KRT19: variants seen among roughly 807,000 people sequenced by gnomAD.
The protein encoded by KRT19 is keratin, type I cytoskeletal 19.
Under a neutral mutation model 34.6 loss-of-function variants are expected in KRT19, and 21 were observed. That is an observed-to-expected ratio of 0.61 (90% CI 0.43 to 0.87). KRT19 has a LOEUF of 0.87. Ranked by LOEUF, KRT19 falls within the 40% of genes least tolerant of loss-of-function variation. KRT19 has a pLI of 0.00. For missense variants in KRT19, 514 were observed against 545.7 expected (o/e 0.94, Z 0.58); for synonymous variants, 240 against 245.8 (o/e 0.98, Z 0.22).
chr17:41,526,536 C>G (rs1417038486), intron 1 of KRT19, among the ~76,000 whole-genome samples: 1 of 146,452 alleles, frequency 6.8e-6, no homozygotes, highest in African/African-American at 2.5e-5. Context: ...CGCTGCAAGG[C>G]ACACGCCACC....
At chr17:41,527,680 C>T (rs1418847885) in intron 1 of KRT19, 148 bp downstream of exon 1, 1 of 833,574 alleles carries the variant, frequency 1.2e-6, no homozygotes, top group Non-Finnish European at 1.8e-6. Context: ...CGCACGTCTC[C>T]TGTCCCCCTT....
chr17:41,523,714 G>C lies in KRT19; in HGVS notation c.*29C>G, dbSNP rs1209410492. 2 of 1,610,556 alleles carry C rather than the reference G, an allele frequency of 1.2e-6. No individual in the cohort carries two copies. The highest frequency in any genetic ancestry group is 3.3e-5 in the Admixed American group (2 of 59,980). ...CTCTACCCAGAAGACACCCTCCAAA[G>C]GACAGCAGAAGCCCCAGAGCCTGCT... is the stretch of plus-strand genomic sequence containing the variant. On this transcript the variant is annotated 3_prime_UTR_variant, in exon 6 of 6. Transcript: ENST00000361566.
chr17:41,527,175 A>G (rs1905896367), intron 1 of KRT19, among the ~76,000 whole-genome samples: 1 of 53,808 alleles, frequency 1.9e-5, no homozygotes, highest in Non-Finnish European at 4.6e-5. Flanking sequence ...TCTTTCCCCG[A>G]CAAGGAGCTG....
intron 5 of KRT19, 21 bp from the exon 6 acceptor site, chr17:41,524,018 T>G (rs751933819): frequency 1.9e-6 from 3 of 1,605,510 alleles, no homozygotes; most frequent in African/African-American, 1.3e-5. Context: ...GGAGAGGGGG[T>G]TGTGACTCAG....
Position 41,527,871 on chromosome 17 carries a change from T to C in KRT19, c.377A>G (p.Asp126Gly), listed in dbSNP as rs900515421. Reference sequence around the variant, plus strand: ...GATGGTCGTGTAGTAGTGGCTGTAGTCGCGGGAGGGCCCAGGCCCCTGCTT... The same window carrying C: ...GATGGTCGTGTAGTAGTGGCTGTAGCCGCGGGAGGGCCCAGGCCCCTGCTT... Reference protein sequence around the residue: ...YQKQGPGPSRDYSHYYTTIQD... With the variant: ...YQKQGPGPSRGYSHYYTTIQD... The change falls in exon 1 of 6, where the codon GAC (aspartate) becomes GGC (glycine). Residue 126 changes from aspartate to glycine, a missense_variant. Coordinates refer to ENST00000361566, the MANE Select transcript of KRT19 (RefSeq NM_002276.5). 5.6e-6 allele frequency: 9 copies of C among 1,612,694 alleles called. No individual in the cohort carries two copies. In the Admixed American group the frequency reaches 1.5e-4, roughly 27 times the overall value.
Position 41,527,892 on chromosome 17 carries a change from T to C in KRT19, c.356A>G (p.Gln119Arg). 1 of 1,613,570 alleles carries C rather than the reference T, an allele frequency of 6.2e-7. No homozygotes were observed. The highest frequency in any genetic ancestry group is 8.5e-7 in the Non-Finnish European group (1 of 1,179,818). Reference sequence around the variant, plus strand: ...GTAGTCGCGGGAGGGCCCAGGCCCCTGCTTCTGGTACCAGTCGCGGATCTT... The same window carrying C: ...GTAGTCGCGGGAGGGCCCAGGCCCCCGCTTCTGGTACCAGTCGCGGATCTT... ...EVKIRDWYQK[Q>R]GPGPSRDYSH... The change falls in exon 1 of 6, where the codon CAG (glutamine) becomes CGG (arginine). Residue 119 changes from glutamine (Q) to arginine (R), a missense_variant. Physicochemically the swap from Gln to Arg is conservative, Grantham distance 43 (BLOSUM62 1). Transcript: ENST00000361566.
At chr17:41,525,919 G>A (rs1052639883) in intron 1 of KRT19, among the ~76,000 whole-genome samples, 6 of 152,160 alleles carry the variant, frequency 3.9e-5, no homozygotes, top group African/African-American at 1.4e-4. Flanking sequence ...CATTAGTCAA[G>A]GCACCAGGTG....
Position 41,524,193 on chromosome 17 carries a change from G to C in KRT19, c.898C>G (p.Arg300Gly). ...ATCTCAAGACCCTGAAGGGTGCGCC[G>C]CAGGTCAGTAACCTCGGACCTGCTC... Reference protein sequence around the residue: ...QMSRSEVTDLRRTLQGLEIEL... With the variant: ...QMSRSEVTDLGRTLQGLEIEL... The change falls in exon 5 of 6, where the codon CGG (arginine) becomes GGG (glycine). Residue 300 changes from arginine (R) to glycine (G), a missense_variant. Physicochemically the swap from Arg to Gly is moderately radical, Grantham distance 125 (BLOSUM62 -2). Transcript: ENST00000361566. 2 of 1,614,086 alleles carry C rather than the reference G, an allele frequency of 1.2e-6. No homozygotes were observed. The highest frequency in any genetic ancestry group is 1.1e-5 in the South Asian group (1 of 91,076).
intron 2 of KRT19, 70 bp from the exon 3 acceptor site, chr17:41,525,069 G>C: frequency 6.3e-7 from 1 of 1,591,260 alleles, no homozygotes; most frequent in South Asian, 1.1e-5. Context: ...TACCTCCCCA[G>C]AGTTCAGGAG....
At position 41,523,669 on chromosome 17, in the gene KRT19, G is replaced by A; in HGVS notation, c.*74C>T. The A allele has an allele frequency of 6.8e-7, 1 of 1,463,026 alleles. No individual in the cohort carries two copies. Among genetic ancestry groups the A allele is most frequent in the Non-Finnish European group, 9.4e-7 (1 of 1,061,438 alleles). 90.6% of individuals were successfully genotyped at this position (1,463,026 alleles called of 1,614,324 possible). On this transcript the variant is annotated 3_prime_UTR_variant, in exon 6 of 6. Transcript: ENST00000361566. The stretch of plus-strand genomic sequence containing the variant: ...AGGTCAGGAGAAGAGCCGGGGGTAA[G>A]GGTCCCTTCCTTCCCATCCCTCTAC...
intron 1 of KRT19, among the ~76,000 whole-genome samples, chr17:41,526,025 G>T (rs1326672726): frequency 6.6e-6 from 1 of 152,146 alleles, no homozygotes; most frequent in Non-Finnish European, 1.5e-5. Context: ...AGGCTGGAGT[G>T]CAGCGTCGCG....
chr17:41,524,950 C>T lies in KRT19; in HGVS notation c.553G>A (p.Gly185Ser), dbSNP rs1384532793. 20 of 1,614,086 alleles carry T rather than the reference C, an allele frequency of 1.2e-5. No homozygotes were observed. Among genetic ancestry groups the T allele is most frequent in the African/African-American group, 6.7e-5 (5 of 74,932 alleles). Reference protein sequence around the residue: ...LRMSVEADINGLRRVLDELTL... With the variant: ...LRMSVEADINSLRRVLDELTL... ...AGCTCATCCAGCACCCTGCGCAGGC[C>T]GTTGATGTCGGCCTCCACGCTCATG... The change falls in exon 3 of 6, where the codon GGC (glycine) becomes AGC (serine). Residue 185 changes from glycine to serine, a missense_variant. Physicochemically the swap from Gly to Ser is moderately conservative, Grantham distance 56 (BLOSUM62 0). Transcript: ENST00000361566.
chr17:41,524,677 T>TG, intron 3 of KRT19, 137 bp from the exon 4 acceptor site: 1 of 1,233,492 alleles, frequency 8.1e-7, no homozygotes. Flanking sequence ...GGGGACAGAC[T>TG]GGGTCATCAC....
In KRT19 at chr17:41,523,976, G is replaced by A; in HGVS notation, c.970C>T (p.Leu324=). Residue 324 remains leucine (L), a synonymous_variant, in exon 6 of 6, where the codon CTG becomes TTG. Coordinates refer to ENST00000361566, the MANE Select transcript of KRT19 (RefSeq NM_002276.5). ...LSMKAALEDT[L]AETEARFGAQ... is the part of the protein sequence containing the mutation. ...CCAAAGCGCGCCTCCGTTTCTGCCA[G>A]TGTGTCTTCCAAGGCAGCTTTCTGA... 6.2e-7 allele frequency: 1 copy of A among 1,611,950 alleles called. No homozygotes were observed. Among genetic ancestry groups the A allele is most frequent in the Non-Finnish European group, 8.5e-7 (1 of 1,178,320 alleles).
chr17:41,524,983 C>A lies in KRT19; in HGVS notation c.520G>T (p.Ala174Ser). ...TCGGCCTCCACGCTCATGCGCAGAG[C>A]CTGTTCCGTCTCAAACCTTTCAAAG... ...DFRTKFETEQ[A>S]LRMSVEADIN... Residue 174 changes from alanine (A) to serine (S), a missense_variant, in exon 3 of 6, where the codon GCT (alanine) becomes TCT (serine). By Grantham distance (99) the Ala-to-Ser change is moderately conservative. Transcript: ENST00000361566. The A allele has an allele frequency of 6.2e-7, 1 of 1,614,062 alleles. No homozygotes were observed.
rs1905942556 is a variant in KRT19 at position 41,528,168 on chromosome 17, G to A, written c.80C>T (p.Pro27Leu). 6.3e-7 allele frequency: 1 copy of A among 1,594,192 alleles called. No individual in the cohort carries two copies. Among genetic ancestry groups the A allele is most frequent in the Non-Finnish European group, 8.5e-7 (1 of 1,175,312 alleles). The change falls in exon 1 of 6, where the codon CCG becomes CTG. Residue 27 changes from proline to leucine, a missense_variant. Coordinates refer to ENST00000361566, the MANE Select transcript of KRT19 (RefSeq NM_002276.5). Reference protein sequence around the residue: ...GLGGGSVRFGPGVAFRAPSIH... With the variant: ...GLGGGSVRFGLGVAFRAPSIH... ...GCTGGGCGCGCGAAAGGCGACCCCC[G>A]GCCCAAAACGCACGGAGCCGCCGCC...
chr17:41,528,077 G>A lies in KRT19; in HGVS notation c.171C>T (p.Ser57=). 1 of 1,610,254 alleles carries A rather than the reference G, an allele frequency of 6.2e-7. No homozygotes were observed. The highest frequency in any genetic ancestry group is 8.5e-7 in the Non-Finnish European group (1 of 1,178,118). ...CGTAGCCGCCGCCGTAGGCCCCCGAGGAGGACGAGGACACAAAGCGGGCGG... is the reference window on the plus strand; with the variant it reads ...CGTAGCCGCCGCCGTAGGCCCCCGAAGAGGACGAGGACACAAAGCGGGCGG... ...VSSARFVSSS[S]SGAYGGGYGG... Residue 57 remains serine, a synonymous_variant, in exon 1 of 6, where the codon TCC becomes TCT. Transcript: ENST00000361566.
rs11550884 is a variant in KRT19 at position 41,527,972 on chromosome 17, G to A, written c.276C>T (p.Ala92=). Residue 92 remains alanine (A), a synonymous_variant, in exon 1 of 6, where the codon GCC becomes GCT. Transcript: ENST00000361566. ...GGGCGCGCACCTTGTCCAGGTAGGA[G>A]GCCAGGCGGTCGTTGAGGTTCTGCA... ...LTMQNLNDRL[A]SYLDKVRALE... The A allele has an allele frequency of 5.6e-4, 908 of 1,613,780 alleles. 3 individuals carry two copies. The African/African-American group carries it at 0.01, about 18-fold the overall frequency.
In KRT19 at chr17:41,524,857, T is replaced by G; in HGVS notation, c.646A>C (p.Lys216Gln). The G allele has an allele frequency of 6.2e-7, 1 of 1,614,050 alleles. No homozygotes were observed. The highest frequency in any genetic ancestry group is 8.5e-7 in the Non-Finnish European group (1 of 1,180,032). The change falls in exon 3 of 6, where the codon AAG becomes CAG. Residue 216 changes from lysine to glutamine, a missense_variant. Physicochemically the swap from Lys to Gln is moderately conservative, Grantham distance 53 (BLOSUM62 1). Transcript: ENST00000361566. ...GLKEELAYLKKNHEEEISTLR... is the reference protein window; with the variant it reads ...GLKEELAYLKQNHEEEISTLR... ...TTCAAACCCACCTCCTCATGGTTCTTCTTCAGGTAGGCCAGCTCTTCCTTC... is the reference window on the plus strand; with the variant it reads ...TTCAAACCCACCTCCTCATGGTTCTGCTTCAGGTAGGCCAGCTCTTCCTTC...
Sources: gnomAD v4.1 joint callset for allele counts (sites outside exome capture counted in the v4.1 genomes callset) on GRCh38, gnomAD v4.1.1 for gene constraint, MANE v1.5 for transcripts, NCBI Gene and HGNC (gene_info 2026-07-23, HGNC 2026-07-21) for gene names.